Variants in SDR42E1 observed in about 807,000 individuals in gnomAD.
The protein encoded by SDR42E1 is short-chain dehydrogenase/reductase family 42E member 1.
A neutral mutation model predicts 2.6 loss-of-function variants in SDR42E1; 5 were observed. That is an observed-to-expected ratio of 1.94 (90% CI 1.01 to 4.08). The LOEUF (loss-of-function observed/expected upper bound fraction) is 4.08, where lower values mean the gene tolerates loss of function less well. Ranked by LOEUF, SDR42E1 falls within the 30% of genes most tolerant of loss-of-function variation. SDR42E1 has a pLI of 0.00. For synonymous variants in SDR42E1, 231 were observed against 188.3 expected (o/e 1.23, Z -1.86); for missense variants, 596 against 478.6 (o/e 1.25, Z -2.29).
chr16:82,005,742 T>C (rs1178172674), intron 1 of SDR42E1, among the ~76,000 whole-genome samples: 3 of 152,190 alleles, frequency 2.0e-5, no homozygotes, highest in Non-Finnish European at 2.9e-5. Context: ...TGTTCAGTAA[T>C]TGCTCTCCCC....
intron 1 of SDR42E1, chr16:82,007,621 C>G (rs538631073): frequency 6.6e-6 from 1 of 152,356 alleles, no homozygotes; most frequent in Admixed American, 6.5e-5. Flanking sequence ...GAGCCCCTAC[C>G]TGAAGTGCTT....
intron 1 of SDR42E1, among the ~76,000 whole-genome samples, chr16:82,003,232 A>G (rs1355742263): frequency 6.6e-6 from 1 of 152,226 alleles, no homozygotes; most frequent in African/African-American, 2.4e-5. Context: ...TGCTTTCAAG[A>G]AAATTCATGA....
chr16:82,003,508 T>C (rs74029336), intron 1 of SDR42E1, among the ~76,000 whole-genome samples: 2,706 of 152,332 alleles, frequency 0.018, 93 homozygotes, highest in African/African-American at 0.062. Flanking sequence ...CTACTGGCAC[T>C]CCGTGCTCCA....
chr16:81,999,157 A>C lies in SDR42E1; in HGVS notation c.1136T>G (p.Ile379Arg). 1.2e-6 allele frequency: 2 copies of C among 1,614,258 alleles called. No homozygotes were observed. Among genetic ancestry groups the C allele is most frequent in the Non-Finnish European group, 1.7e-6 (2 of 1,180,046 alleles). ...WDGLLVFLLI[I>R]AVLMWLPSSV... ...AGAAGGCAGCCACATGAGAACTGCT[A>C]TAATCAGGAGGAAGACCAATAGCCC... Residue 379 changes from isoleucine to arginine, a missense_variant, in exon 3 of 3, where the codon ATA becomes AGA. Coordinates refer to ENST00000328945, the MANE Select transcript of SDR42E1 (RefSeq NM_145168.3).
In SDR42E1 at chr16:81,994,152, T is replaced by C. The variant is rs953337296; in HGVS notation, c.*4959A>G. 6.6e-6 allele frequency: 1 copy of C among 152,196 alleles called. No individual in the cohort carries two copies. The highest frequency in any genetic ancestry group is 1.5e-5 in the Non-Finnish European group (1 of 68,038). 9.4% of individuals were successfully genotyped at this position (152,196 alleles called of 1,614,324 possible). A position where few individuals can be genotyped will look rare whatever the true frequency, so the allele number is the denominator to read the frequency against. ...AAAGAAAGTGAACTGAAGACTCACG[T>C]GAGAGGACGATCTGGAATGATGAGC... On this transcript the variant is annotated 3_prime_UTR_variant, in exon 3 of 3. Coordinates refer to ENST00000328945, the MANE Select transcript of SDR42E1 (RefSeq NM_145168.3).
At position 81,993,305 on chromosome 16, in the gene SDR42E1, C is replaced by A. The variant is rs1254177834; in HGVS notation, c.*5806G>T. The A allele has an allele frequency of 6.6e-6, 1 of 152,186 alleles. No homozygotes were observed. The highest frequency in any genetic ancestry group is 6.5e-5 in the Admixed American group (1 of 15,278). 9.4% of individuals were successfully genotyped at this position (152,186 alleles called of 1,614,324 possible). A position where few individuals can be genotyped will look rare whatever the true frequency, so the allele number is the denominator to read the frequency against. ...GTTTAGTATCTGGCACCAGTGCTCACCTCCTTGTTGAAAGATAAGAAACAC... is the reference window on the plus strand; with the variant it reads ...GTTTAGTATCTGGCACCAGTGCTCAACTCCTTGTTGAAAGATAAGAAACAC... On this transcript the variant is annotated 3_prime_UTR_variant, in exon 3 of 3. Transcript: ENST00000328945.
intron 1 of SDR42E1, among the ~76,000 whole-genome samples, chr16:82,003,752 A>AT (rs1361152838): frequency 6.6e-6 from 1 of 152,126 alleles, no homozygotes; most frequent in Non-Finnish European, 1.5e-5. Context: ...ATCTAAAACT[A>AT]TTTACTTTTT....
In SDR42E1 at chr16:81,996,931, G is replaced by A. The variant is rs546158177; in HGVS notation, c.*2180C>T. ...TGTGGAAACGACAGTGCATGGCTGT[G>A]GCTGTGAGTATAAAATCTTTTTAAG... On this transcript the variant is annotated 3_prime_UTR_variant, in exon 3 of 3. Transcript: ENST00000328945. 1 of 152,352 alleles carries A rather than the reference G, an allele frequency of 6.6e-6. No individual in the cohort carries two copies. The highest frequency in any genetic ancestry group is 1.5e-5 in the Non-Finnish European group (1 of 68,078). 9.4% of individuals were successfully genotyped at this position (152,352 alleles called of 1,614,324 possible).
chr16:81,999,833 G>T lies in SDR42E1; in HGVS notation c.460C>A (p.Arg154=), dbSNP rs531813448. The part of the protein sequence containing the change: ...PLHLHPDHYS[R]TKSIAEQKVL... ...TTCTGCTCTGCAATTGACTTTGTCCGAGAGTAGTGATCAGGGTGGAGGTGA... is the reference window on the plus strand; with the variant it reads ...TTCTGCTCTGCAATTGACTTTGTCCTAGAGTAGTGATCAGGGTGGAGGTGA... The change falls in exon 3 of 3, where the codon CGG becomes AGG. Residue 154 remains arginine, a synonymous_variant. Coordinates refer to ENST00000328945, the MANE Select transcript of SDR42E1 (RefSeq NM_145168.3). 4.3e-6 allele frequency: 7 copies of T among 1,614,072 alleles called. No homozygotes were observed. In the African/African-American group the frequency reaches 9.3e-5, roughly 22 times the overall value.
rs1912557222 is a variant in SDR42E1 at position 81,997,012 on chromosome 16, TA to T, written c.*2098del. Reference sequence around the variant, plus strand: ...AGAGCTGTTCAGACAGTAAGGCTTCTAAGAAGCACAGCGTATTGTCCCTTGG... The same window carrying T: ...AGAGCTGTTCAGACAGTAAGGCTTCTAGAAGCACAGCGTATTGTCCCTTGG... On this transcript the variant is annotated 3_prime_UTR_variant, in exon 3 of 3. Coordinates refer to ENST00000328945, the MANE Select transcript of SDR42E1 (RefSeq NM_145168.3). 6.6e-6 allele frequency: 1 copy of T among 152,244 alleles called. No homozygotes were observed. Among genetic ancestry groups the T allele is most frequent in the Non-Finnish European group, 1.5e-5 (1 of 68,060 alleles). 9.4% of individuals were successfully genotyped at this position (152,244 alleles called of 1,614,324 possible).
Position 81,989,679 on chromosome 16 carries a change from T to C in SDR42E1, c.*9432A>G, listed in dbSNP as rs1912383431. 1 of 152,176 alleles carries C rather than the reference T, an allele frequency of 6.6e-6. No individual in the cohort carries two copies. The highest frequency in any genetic ancestry group is 6.5e-5 in the Admixed American group (1 of 15,282). 9.4% of individuals were successfully genotyped at this position (152,176 alleles called of 1,614,324 possible). A position where few individuals can be genotyped will look rare whatever the true frequency, so the allele number is the denominator to read the frequency against. ...CAATCTCAAGAAAAGAAAAACTCAT[T>C]TTCAGTTTAGAGCTCAAAACGTGAC... On this transcript the variant is annotated 3_prime_UTR_variant, in exon 3 of 3. Coordinates refer to ENST00000328945, the MANE Select transcript of SDR42E1 (RefSeq NM_145168.3).
Position 81,996,396 on chromosome 16 carries a change from A to G in SDR42E1, c.*2715T>C, listed in dbSNP as rs1376504061. ...GGGTTAGGTGTGTCAAGTCTGGGAG[A>G]GGGCAGGGGTCAGGGATTATCCCAG... is the stretch of plus-strand genomic sequence containing the variant. On this transcript the variant is annotated 3_prime_UTR_variant, in exon 3 of 3. Coordinates refer to ENST00000328945, the MANE Select transcript of SDR42E1 (RefSeq NM_145168.3). The G allele has an allele frequency of 6.6e-6, 1 of 152,114 alleles. No homozygotes were observed. The allele number at this position is 152,114 out of a possible 1,614,324, so 9.4% of individuals were successfully genotyped here. A position where few individuals can be genotyped will look rare whatever the true frequency, so the allele number is the denominator to read the frequency against.
chr16:82,000,183 A>T lies in SDR42E1; in HGVS notation c.110T>A (p.Leu37Gln), dbSNP rs762958382. Residue 37 changes from leucine (L) to glutamine (Q), a missense_variant, in exon 3 of 3, where the codon CTG (leucine) becomes CAG (glutamine). By Grantham distance (113) the Leu-to-Gln change is moderately radical. Coordinates refer to ENST00000328945, the MANE Select transcript of SDR42E1 (RefSeq NM_145168.3). ...TTGAGCAGGGCTGCTGATGTCAAACAGAATCACATGGACTCCATTTTGGTT... is the reference window on the plus strand; with the variant it reads ...TTGAGCAGGGCTGCTGATGTCAAACTGAATCACATGGACTCCATTTTGGTT... The part of the protein sequence containing the change: ...ALNQNGVHVI[L>Q]FDISSPAQTI... 6.2e-7 allele frequency: 1 copy of T among 1,611,268 alleles called. No individual in the cohort carries two copies. The highest frequency in any genetic ancestry group is 8.5e-7 in the Non-Finnish European group (1 of 1,178,472).
chr16:82,003,849 CATAGTAG>C (rs1912847510), intron 1 of SDR42E1, among the ~76,000 whole-genome samples: 1 of 152,202 alleles, frequency 6.6e-6, no homozygotes, highest in Non-Finnish European at 1.5e-5. Context: ...GAATCCAGAA[CATAGTAG>C]ATGCTCAATA....
chr16:82,002,330 G>A (rs998870333), intron 1 of SDR42E1, among the ~76,000 whole-genome samples: 1 of 152,120 alleles, frequency 6.6e-6, no homozygotes, highest in East Asian at 1.9e-4. Context: ...TCTTGGCCAA[G>A]ACATTTCTCT....
In SDR42E1 at chr16:82,000,267, G is replaced by A. The variant is rs1912712320; in HGVS notation, c.69-43C>T. ...AAACGTTGAATCAAGTCACTCTTAA[G>A]CTGTGCCTAGGGGAAGTGTATAAAG... is the stretch of plus-strand genomic sequence containing the variant. On this transcript the variant is annotated intron_variant, in intron 2 of 2. Transcript: ENST00000328945. 1.9e-6 allele frequency: 3 copies of A among 1,598,940 alleles called. No homozygotes were observed. The Admixed American group carries it at 5.0e-5, about 27-fold the overall frequency.
At position 81,999,286 on chromosome 16, in the gene SDR42E1, T is replaced by C; in HGVS notation, c.1007A>G (p.Tyr336Cys). The C allele has an allele frequency of 1.2e-6, 2 of 1,614,256 alleles. No homozygotes were observed. Among genetic ancestry groups the C allele is most frequent in the Non-Finnish European group, 8.5e-7 (1 of 1,180,042 alleles). Residue 336 changes from tyrosine (Y) to cysteine (C), a missense_variant, in exon 3 of 3, where the codon TAT becomes TGT. Tyr to Cys is a radical substitution (Grantham distance 194). Transcript: ENST00000328945. Reference protein sequence around the residue: ...SLEKAKKELGYKAQPFDLQEA... With the variant: ...SLEKAKKELGCKAQPFDLQEA... ...CTGGAGGTCAAATGGCTGAGCCTTATAACCTAGCTCTTTCTTGGCTTTCTC... is the reference window on the plus strand; with the variant it reads ...CTGGAGGTCAAATGGCTGAGCCTTACAACCTAGCTCTTTCTTGGCTTTCTC...
rs1008557175 is a variant in SDR42E1 at position 81,999,022 on chromosome 16, G to A, written c.*89C>T. 2 of 1,371,580 alleles carry A rather than the reference G, an allele frequency of 1.5e-6. No homozygotes were observed. The highest frequency in any genetic ancestry group is 2.0e-6 in the Non-Finnish European group (2 of 1,013,194). The allele number at this position is 1,371,580 out of a possible 1,614,324, so 85.0% of individuals were successfully genotyped here. ...TAGCAATTTGAAGAGCCAATGTTTG[G>A]CACCAGATATCACTGTACACATTTT... is the stretch of plus-strand genomic sequence containing the variant. On this transcript the variant is annotated 3_prime_UTR_variant, in exon 3 of 3. Transcript: ENST00000328945.
Position 81,993,744 on chromosome 16 carries a change from T to C in SDR42E1, c.*5367A>G, listed in dbSNP as rs1304371315. ...AAGTAGAAAAAACAGACATGGTTCC[T>C]GCTCTCATGGGGCGTTTATGTTCTG... On this transcript the variant is annotated 3_prime_UTR_variant, in exon 3 of 3. Coordinates refer to ENST00000328945, the MANE Select transcript of SDR42E1 (RefSeq NM_145168.3). 1 of 152,218 alleles carries C rather than the reference T, an allele frequency of 6.6e-6. No homozygotes were observed. The highest frequency in any genetic ancestry group is 2.4e-5 in the African/African-American group (1 of 41,452). 9.4% of individuals were successfully genotyped at this position (152,218 alleles called of 1,614,324 possible). A position where few individuals can be genotyped will look rare whatever the true frequency, so the allele number is the denominator to read the frequency against.
Sources: allele counts gnomAD v4.1 joint callset (sites outside exome capture counted in the v4.1 genomes callset), GRCh38; gene constraint gnomAD v4.1.1; transcripts MANE v1.5; gene names NCBI Gene and HGNC (gene_info 2026-07-23, HGNC 2026-07-21).